The following SLC35F4 variants were observed in gnomAD, a reference collection of about 807,000 sequenced individuals.
SLC35F4 encodes solute carrier family 35 member F4.
SLC35F4 carries 24 observed loss-of-function variants against 44.2 expected under a neutral mutation model. The ratio of observed to expected loss-of-function variants is 0.54; its 90% CI spans 0.39 to 0.76. The LOEUF (loss-of-function observed/expected upper bound fraction) is 0.76. Ranked by LOEUF, SLC35F4 falls within the 30% of genes least tolerant of loss-of-function variation. SLC35F4 has a pLI of 0.00. For synonymous variants in SLC35F4, 238 were observed against 223.6 expected (o/e 1.06, Z -0.57); for missense variants, 562 against 586.1 (o/e 0.96, Z 0.42).
intron 1 of SLC35F4, among the ~76,000 whole-genome samples, chr14:57,698,349 A>G (rs1377986326): frequency 6.6e-6 from 1 of 152,178 alleles, no homozygotes; most frequent in Non-Finnish European, 1.5e-5. Flanking sequence ...GAATTCATAC[A>G]AGTGCAATTG....
chr14:57,782,262 G>C (rs1307118292), intron 1 of SLC35F4, among the ~76,000 whole-genome samples: 4 of 151,656 alleles, frequency 2.6e-5, no homozygotes, highest in African/African-American at 9.7e-5. Flanking sequence ...GAGCAATAAT[G>C]AGTTTGAACT....
At position 57,643,724 on chromosome 14, in the gene SLC35F4, C is replaced by T. The variant is rs113469438; in HGVS notation, c.104-49600G>A. Among the ~76,000 whole-genome samples, 3 of 152,168 alleles carry T rather than the reference C, an allele frequency of 2.0e-5. 1 individual carries two copies. Among genetic ancestry groups the T allele is most frequent in the African/African-American group, 7.2e-5 (3 of 41,532 alleles). ...GCTGGTGTGCTGCACCCATTAACTC[C>T]TCATTTAGCATTAGGTATATCTCCT... is the stretch of plus-strand genomic sequence containing the variant. On this transcript the variant is annotated intron_variant, in intron 1 of 7. Coordinates refer to ENST00000556826, the MANE Select transcript of SLC35F4 (RefSeq NM_001306087.2).
At chr14:57,566,025 A>G (rs1014949233) in intron 7 of SLC35F4, among the ~76,000 whole-genome samples, 2 of 152,148 alleles carry the variant, frequency 1.3e-5, no homozygotes, top group African/African-American at 4.8e-5. Context: ...CCTTATATCT[A>G]TTCCAGAGGG....
At chr14:57,698,874 C>T (rs1214036001) in intron 1 of SLC35F4, among the ~76,000 whole-genome samples, 4 of 152,084 alleles carry the variant, frequency 2.6e-5, no homozygotes, top group Non-Finnish European at 5.9e-5. Flanking sequence ...GATCCACGCA[C>T]CTCGGCCTTC....
At chr14:57,642,267 A>G (rs926434781) in intron 1 of SLC35F4, among the ~76,000 whole-genome samples, 4 of 151,886 alleles carry the variant, frequency 2.6e-5, no homozygotes, top group African/African-American at 9.7e-5. Flanking sequence ...TTGTTGGTGA[A>G]GGTGTTTACA....
chr14:57,910,797 C>T (rs1889202598), intron 1 of SLC35F4, among the ~76,000 whole-genome samples: 2 of 151,948 alleles, frequency 1.3e-5, no homozygotes, highest in Non-Finnish European at 2.9e-5. Flanking sequence ...GCTTTAGAAT[C>T]ATCAATATCT....
chr14:57,964,112 C>CT lies in SLC35F4; in HGVS notation n.282+17800dup, dbSNP rs534463775. 3.9e-3 allele frequency among the ~76,000 whole-genome samples: 594 copies of CT among 152,256 alleles called. 1 individual carries two copies. The highest frequency in any genetic ancestry group is 6.3e-3 in the Non-Finnish European group (431 of 68,018). Reference sequence around the variant, plus strand: ...GCAGACTTTGGGAAGACTCTGTTCTCTTTACTCAGAGGATAAATCACCTTC... The same window carrying CT: ...GCAGACTTTGGGAAGACTCTGTTCTCTTTTACTCAGAGGATAAATCACCTTC... On this transcript the variant is annotated intron_variant and non_coding_transcript_variant, in intron 1 of 1. Transcript: ENST00000556568.
Position 57,954,004 on chromosome 14 carries a change from T to G in SLC35F4, n.282+27909A>C, listed in dbSNP as rs185325861. Among the ~76,000 whole-genome samples, 3 of 152,240 alleles carry G rather than the reference T, an allele frequency of 2.0e-5. No homozygotes were observed. In the East Asian group the frequency reaches 5.8e-4, roughly 29 times the overall value. The stretch of plus-strand genomic sequence containing the variant: ...TTTCAGAACCACACTGCACTTATTC[T>G]AAAATTGACCACATAATTGGAAGGA... On this transcript the variant is annotated intron_variant and non_coding_transcript_variant, in intron 1 of 1. Transcript: ENST00000556568.
At chr14:57,975,475 G>C (rs1404358311), downstream of SLC35F4, among the ~76,000 whole-genome samples, 3 of 152,184 alleles carry the variant, frequency 2.0e-5, no homozygotes, top group East Asian at 5.8e-4. Context: ...GGGACACCTG[G>C]AGATTGTTCT....
intron 1 of SLC35F4, among the ~76,000 whole-genome samples, chr14:57,742,924 A>G (rs1056601027): frequency 6.6e-6 from 1 of 152,236 alleles, no homozygotes; most frequent in Non-Finnish European, 1.5e-5. Flanking sequence ...AAACTCACTC[A>G]AAACCGTTCA....
At chr14:57,667,053 G>C (rs541939716) in intron 1 of SLC35F4, among the ~76,000 whole-genome samples, 7 of 152,058 alleles carry the variant, frequency 4.6e-5, no homozygotes, top group Non-Finnish European at 8.8e-5. Flanking sequence ...TTTTGAGTTA[G>C]GCCTTCCGGG....
At chr14:57,906,676 A>T (rs1294437057) in intron 1 of SLC35F4, among the ~76,000 whole-genome samples, 1 of 152,222 alleles carries the variant, frequency 6.6e-6, no homozygotes, top group Admixed American at 6.5e-5. Flanking sequence ...ATTTGCATGC[A>T]GGTATCTTAC....
chr14:57,727,125 TGTATATATGTAC>T (rs61120004), intron 1 of SLC35F4, among the ~76,000 whole-genome samples: 59,074 of 113,084 alleles, frequency 0.52, 11,680 homozygotes, highest in South Asian at 0.57. Context: ...CATATATATA[TGTATATATGTAC>T]ATATATATAT....
At chr14:57,690,866 T>C (rs2075211604) in intron 1 of SLC35F4, among the ~76,000 whole-genome samples, 1 of 152,090 alleles carries the variant, frequency 6.6e-6, no homozygotes. Context: ...CAGGCAATAA[T>C]GCAAGCAATG....
intron 1 of SLC35F4, among the ~76,000 whole-genome samples, chr14:57,725,199 C>A (rs2140450676): frequency 6.6e-6 from 1 of 152,264 alleles, no homozygotes; most frequent in Middle Eastern, 3.4e-3. Flanking sequence ...CCCAATGGGC[C>A]CATGAACAAA....
chr14:57,569,694 A>G, intron 6 of SLC35F4, 94 bp downstream of exon 6: 1 of 1,315,738 alleles, frequency 7.6e-7, no homozygotes, highest in Non-Finnish European at 1.0e-6. Context: ...ACTAGAGCAC[A>G]GAGTTACCCA....
chr14:57,972,600 GTTGGAGTTAT>G (rs1881087146), downstream of SLC35F4, among the ~76,000 whole-genome samples: 2 of 152,216 alleles, frequency 1.3e-5, no homozygotes, highest in East Asian at 3.9e-4. Flanking sequence ...GGCTCAAAGG[GTTGGAGTTAT>G]TGATTGGCTC....
chr14:57,883,919 G>A (rs1395266532), intron 1 of SLC35F4, among the ~76,000 whole-genome samples: 1 of 151,976 alleles, frequency 6.6e-6, no homozygotes, highest in African/African-American at 2.4e-5. Context: ...GTATTTGATT[G>A]TCCGTGTTAT....
At chr14:57,701,176 A>T (rs2075529653) in intron 1 of SLC35F4, among the ~76,000 whole-genome samples, 1 of 151,918 alleles carries the variant, frequency 6.6e-6, no homozygotes, top group Non-Finnish European at 1.5e-5. Context: ...TATTGTTGTT[A>T]AACACTAAGA....
Sources: allele counts gnomAD v4.1 joint callset (sites outside exome capture counted in the v4.1 genomes callset), GRCh38; gene constraint gnomAD v4.1.1; transcripts MANE v1.5; gene names NCBI Gene and HGNC (gene_info 2026-07-23, HGNC 2026-07-21).